Variants in MAMDC2 observed in about 807,000 individuals in gnomAD.
MAMDC2 encodes MAM domain-containing protein 2.
Under a neutral mutation model 89.8 loss-of-function variants are expected in MAMDC2, and 57 were observed. The ratio of observed to expected loss-of-function variants is 0.63; its 90% CI spans 0.51 to 0.79. MAMDC2 has a LOEUF of 0.79. Ranked by LOEUF, MAMDC2 falls within the 30% of genes least tolerant of loss-of-function variation. The probability of loss-of-function intolerance (pLI) is 0.00; values close to 1 mark genes in which losing one functional copy is unlikely to be tolerated. For missense variants in MAMDC2, 800 were observed against 820.6 expected (o/e 0.97, Z 0.31); for synonymous variants, 313 against 293.4 (o/e 1.07, Z -0.68).
At chr9:70,086,149 C>T (rs1195946895) in intron 2 of MAMDC2, 2 of 152,060 alleles carry the variant, frequency 1.3e-5, no homozygotes, top group East Asian at 3.8e-4. Flanking sequence ...TGTTAAGATA[C>T]ACTTTTTAAA....
intron 9 of MAMDC2, among the ~76,000 whole-genome samples, chr9:70,148,718 T>A (rs2309601): frequency 0.91 from 135,430 of 148,464 alleles, 62,537 homozygotes; most frequent in East Asian, 1. Context: ...AACATGGTAA[T>A]AGCCCGTCTC....
chr9:70,213,476 C>A (rs2033393309), intron 11 of MAMDC2, among the ~76,000 whole-genome samples: 1 of 152,062 alleles, frequency 6.6e-6, no homozygotes. Flanking sequence ...TACCATGTTA[C>A]TAACTTATGT....
intron 7 of MAMDC2, among the ~76,000 whole-genome samples, chr9:70,134,394 T>A (rs1472532773): frequency 6.9e-6 from 1 of 145,852 alleles, no homozygotes; most frequent in Non-Finnish European, 1.5e-5. Context: ...TGTCCCAAAG[T>A]TTAGAAGATG....
At chr9:70,154,555 G>C (rs1038506012) in intron 9 of MAMDC2, among the ~76,000 whole-genome samples, 1 of 148,506 alleles carries the variant, frequency 6.7e-6, no homozygotes, top group Non-Finnish European at 1.5e-5. Context: ...TTGAGACAGG[G>C]TCTCTGTTGC....
Position 70,118,817 on chromosome 9 carries a change from T to C in MAMDC2, c.643+5685T>C, listed in dbSNP as rs567025929. Among the ~76,000 whole-genome samples the C allele has an allele frequency of 3.9e-5, 6 of 152,322 alleles. 1 individual carries two copies. The East Asian group carries it at 1.2e-3, about 29-fold the overall frequency. On this transcript the variant is annotated intron_variant, in intron 5 of 13. Coordinates refer to ENST00000377182, the MANE Select transcript of MAMDC2 (RefSeq NM_153267.5). ...GAGGGAAGTCTTCCCAGGAGAGTGC[T>C]AGTCTTTGTGTTGTAGAAAAGCAAA... is the stretch of plus-strand genomic sequence containing the variant.
chr9:70,194,942 T>C (rs904100678), intron 11 of MAMDC2, among the ~76,000 whole-genome samples: 1 of 152,080 alleles, frequency 6.6e-6, no homozygotes, highest in African/African-American at 2.4e-5. Context: ...ATTCAAGTGG[T>C]AAGTACATGA....
chr9:70,069,300 GATTATTAATAGT>G (rs1407344132), intron 2 of MAMDC2, among the ~76,000 whole-genome samples: 9 of 152,304 alleles, frequency 5.9e-5, no homozygotes, highest in Admixed American at 2.6e-4. Context: ...AGAGCCACAT[GATTATTAATAGT>G]AATTATATTT....
chr9:70,172,857 T>G (rs2118541746), intron 11 of MAMDC2: 1 of 153,070 alleles, frequency 6.5e-6, no homozygotes, highest in African/African-American at 2.4e-5. Context: ...TCCTTATGTG[T>G]GAAGCTATCT....
At chr9:70,119,769 C>T (rs991415419) in intron 5 of MAMDC2, among the ~76,000 whole-genome samples, 1 of 152,212 alleles carries the variant, frequency 6.6e-6, no homozygotes, top group African/African-American at 2.4e-5. Flanking sequence ...TCTTACTGTA[C>T]TGCTTCTGGC....
At chr9:70,158,120 G>A (rs1450995105) in intron 9 of MAMDC2, among the ~76,000 whole-genome samples, 2 of 152,026 alleles carry the variant, frequency 1.3e-5, no homozygotes, top group African/African-American at 2.4e-5. Context: ...ATCATGTACA[G>A]CTAATTTTTG....
chr9:70,183,890 A>G (rs1351743346), intron 11 of MAMDC2, among the ~76,000 whole-genome samples: 1 of 152,066 alleles, frequency 6.6e-6, no homozygotes, highest in Non-Finnish European at 1.5e-5. Flanking sequence ...TGTGAATTTG[A>G]TTCTGTCATT....
Position 70,044,473 on chromosome 9 carries a change from C to G in MAMDC2, c.35-111C>G, listed in dbSNP as rs1409690696. ...CAGGTACTGCATCCCTCTCCCGCCC[C>G]CTCCCGCTCGTCTTTCCCCCACTTT... On this transcript the variant is annotated intron_variant, in intron 1 of 13. Coordinates refer to ENST00000377182, the MANE Select transcript of MAMDC2 (RefSeq NM_153267.5). The G allele has an allele frequency of 3.0e-5, 28 of 945,838 alleles. 1 individual carries two copies. In the Admixed American group the frequency reaches 4.0e-4, roughly 14 times the overall value. 58.6% of individuals were successfully genotyped at this position (945,838 alleles called of 1,614,324 possible).
chr9:70,044,024 C>T lies in MAMDC2; in HGVS notation c.-174C>T, dbSNP rs1004373086. On this transcript the variant is annotated 5_prime_UTR_variant, in exon 1 of 14. Coordinates refer to ENST00000377182, the MANE Select transcript of MAMDC2 (RefSeq NM_153267.5). ...GCACCTTCCAGCATACCGCTCGGCT[C>T]CGGGAGCCGCTCTGCAAAGTTGGGC... is the stretch of plus-strand genomic sequence containing the variant. 3 of 709,878 alleles carry T rather than the reference C, an allele frequency of 4.2e-6. No individual in the cohort carries two copies. The Admixed American group carries it at 7.6e-5, about 18-fold the overall frequency. 44.0% of individuals were successfully genotyped at this position (709,878 alleles called of 1,614,324 possible).
rs1374032840 is a variant in MAMDC2 at position 70,108,252 on chromosome 9, G to T, written c.190G>T (p.Glu64Ter). ...YVDTSFGKQG[E>*]KAVLLSPDLQ... ...GGATACCTCCTTTGGCAAGCAGGGG[G>T]AGAAAGCTGTGCTGCTAAGTCCTGA... The change falls in exon 3 of 14, where the codon GAG (glutamate) becomes TAG (stop). Residue 64 changes from glutamate (E) to a stop codon, truncating the protein, a stop_gained. Coordinates refer to ENST00000377182, the MANE Select transcript of MAMDC2 (RefSeq NM_153267.5). LOFTEE classifies it high-confidence loss of function. 7 of 1,611,804 alleles carry T rather than the reference G, an allele frequency of 4.3e-6. No homozygotes were observed. The highest frequency in any genetic ancestry group is 1.3e-5 in the African/African-American group (1 of 74,806).
intron 2 of MAMDC2, among the ~76,000 whole-genome samples, chr9:70,067,789 A>G (rs1319809381): frequency 2.6e-5 from 4 of 152,218 alleles, no homozygotes; most frequent in Non-Finnish European, 5.9e-5. Flanking sequence ...CACTCTTTCT[A>G]GGTGCAATAG....
intron 2 of MAMDC2, among the ~76,000 whole-genome samples, chr9:70,106,694 C>T (rs2975883): frequency 0.064 from 9,709 of 152,228 alleles, 994 homozygotes; most frequent in African/African-American, 0.21. Flanking sequence ...CCAGATTTCT[C>T]CACAAGGGTG....
At chr9:70,188,454 GTTTTA>G (rs1034029811) in intron 11 of MAMDC2, 3 of 150,622 alleles carry the variant, frequency 2.0e-5, no homozygotes, top group African/African-American at 7.3e-5. Flanking sequence ...TTTAATTCTT[GTTTTA>G]TTTTACTATA....
At chr9:70,185,579 G>T (rs2118587436) in intron 11 of MAMDC2, among the ~76,000 whole-genome samples, 1 of 152,300 alleles carries the variant, frequency 6.6e-6, no homozygotes, top group Non-Finnish European at 1.5e-5. Flanking sequence ...CAGAGATCCT[G>T]CCCAGTGAGG....
chr9:70,170,390 AC>A, intron 10 of MAMDC2, 88 bp from the exon 11 acceptor site: 2 of 1,444,582 alleles, frequency 1.4e-6, no homozygotes, highest in Non-Finnish European at 1.9e-6. Flanking sequence ...ATATGGCCAG[AC>A]AACATTCATA....
Sources: allele counts gnomAD v4.1 joint callset (sites outside exome capture counted in the v4.1 genomes callset), GRCh38; gene constraint gnomAD v4.1.1; transcripts MANE v1.5; gene names NCBI Gene and HGNC (gene_info 2026-07-23, HGNC 2026-07-21).